Variants in TMIE observed in about 807,000 individuals in gnomAD.
The protein encoded by TMIE is transmembrane inner ear.
TMIE carries 14 observed loss-of-function variants against 16.8 expected under a neutral mutation model. The observed-to-expected ratio is 0.83, with a 90% CI of 0.55 to 1.30. The LOEUF (loss-of-function observed/expected upper bound fraction) is 1.30. Among genes scored for constraint, TMIE ranks in the 50% most tolerant of loss-of-function variants. TMIE has a pLI of 0.00. For synonymous variants in TMIE, 75 were observed against 87.2 expected (o/e 0.86, Z 0.78); for missense variants, 204 against 205.9 (o/e 0.99, Z 0.06).
chr3:46,708,616 G>A (rs148747236), intron 2 of TMIE, among the ~76,000 whole-genome samples: 103 of 152,362 alleles, frequency 6.8e-4, no homozygotes, highest in South Asian at 4.1e-3. Context: ...ATGGGCTCCC[G>A]CCCTAGCCAG....
upstream of TMIE, among the ~76,000 whole-genome samples, chr3:46,697,431 G>A (rs1213465927): frequency 1.3e-5 from 2 of 152,244 alleles, no homozygotes; most frequent in Non-Finnish European, 2.9e-5. Flanking sequence ...AGGGTTCAGA[G>A]GGCTTCTGAA....
chr3:46,697,147 G>C (rs553002301), upstream of TMIE, among the ~76,000 whole-genome samples: 5 of 152,250 alleles, frequency 3.3e-5, no homozygotes, highest in African/African-American at 1.2e-4. Flanking sequence ...TGTGGTGTTA[G>C]GTATTGATTT....
upstream of TMIE, among the ~76,000 whole-genome samples, chr3:46,698,460 A>G (rs1376591137): frequency 6.6e-6 from 1 of 152,058 alleles, no homozygotes; most frequent in African/African-American, 2.4e-5. Context: ...ACTGAATTAA[A>G]AAAAAAAATA....
chr3:46,709,113 G>T lies in TMIE; in HGVS notation c.212-13G>T, dbSNP rs1192809197. The T allele has an allele frequency of 1.2e-6, 2 of 1,613,988 alleles. No individual in the cohort carries two copies. The highest frequency in any genetic ancestry group is 2.2e-5 in the South Asian group (2 of 91,078). On this transcript the variant is annotated splice_polypyrimidine_tract_variant and intron_variant, in intron 2 of 3. Coordinates refer to ENST00000643606, the MANE Select transcript of TMIE (RefSeq NM_147196.3). The stretch of plus-strand genomic sequence containing the variant: ...CCCCAGCCCCAGCCAAGCCTGCTCT[G>T]TCCTCCCTACAGTCATCACGCTGTG...
Position 46,702,670 on chromosome 3 carries a change from G to A in TMIE, c.93+1090G>A, listed in dbSNP as rs983650715. On this transcript the variant is annotated intron_variant, in intron 1 of 3. Transcript: ENST00000643606. ...GGGGGCTTGGGGACAGTGTGGGATA[G>A]AGAGGACAGAGCCATGGGGAAGTTG... Among the ~76,000 whole-genome samples, 5 of 152,224 alleles carry A rather than the reference G, an allele frequency of 3.3e-5. No individual in the cohort carries two copies. The East Asian group carries it at 9.7e-4, about 30-fold the overall frequency.
At chr3:46,708,600 C>A (rs1462746188) in intron 2 of TMIE, among the ~76,000 whole-genome samples, 1 of 152,240 alleles carries the variant, frequency 6.6e-6, no homozygotes. Flanking sequence ...GGGTCTGTGC[C>A]CTCTCATGGG....
chr3:46,708,858 C>A (rs1700584126), intron 2 of TMIE, among the ~76,000 whole-genome samples: 1 of 152,220 alleles, frequency 6.6e-6, no homozygotes, highest in African/African-American at 2.4e-5. Context: ...CAGAAAGACC[C>A]TCAGGACCAG....
chr3:46,698,418 T>C (rs1700429114), upstream of TMIE, among the ~76,000 whole-genome samples: 1 of 152,000 alleles, frequency 6.6e-6, no homozygotes, highest in African/African-American at 2.4e-5. Flanking sequence ...GACTAGCGTT[T>C]AATGAAGGCT....
chr3:46,698,969 C>T (rs1230703971), upstream of TMIE, among the ~76,000 whole-genome samples: 2 of 151,756 alleles, frequency 1.3e-5, no homozygotes, highest in Admixed American at 1.3e-4. Flanking sequence ...GCATGAGCCA[C>T]CACACTCAGC....
chr3:46,699,060 A>ATTT (rs397951323), upstream of TMIE, among the ~76,000 whole-genome samples: 8,098 of 84,840 alleles, frequency 0.095, 1,433 homozygotes, highest in Non-Finnish European at 0.13. Context: ...GGTGTTTCTT[A>ATTT]TTTTTTTTTT....
intron 2 of TMIE, among the ~76,000 whole-genome samples, chr3:46,706,539 A>T (rs938970020): frequency 2.6e-5 from 4 of 152,194 alleles, no homozygotes; most frequent in African/African-American, 9.7e-5. Flanking sequence ...GACAGAGGCC[A>T]AGTGGGGAGG....
At chr3:46,706,052 C>T in intron 2 of TMIE, 145 bp downstream of exon 2, 1 of 849,600 alleles carries the variant, frequency 1.2e-6, no homozygotes, top group Non-Finnish European at 2.0e-6. Context: ...CTGGCACCTC[C>T]TGATCCACAC....
At position 46,709,838 on chromosome 3, in the gene TMIE, C is replaced by T. The variant is rs1700599082; in HGVS notation, c.*150C>T. The T allele has an allele frequency of 6.7e-7, 1 of 1,488,596 alleles. No homozygotes were observed. The allele number at this position is 1,488,596 out of a possible 1,614,324, so 92.2% of individuals were successfully genotyped here. On this transcript the variant is annotated 3_prime_UTR_variant, in exon 4 of 4. Coordinates refer to ENST00000643606, the MANE Select transcript of TMIE (RefSeq NM_147196.3). ...CCATGGCCACATCCTCATGGCCCAT[C>T]AGGGGCAGGAACCAGACAATCTCGT...
At chr3:46,700,064 T>C (rs551140811), upstream of TMIE, among the ~76,000 whole-genome samples, 2 of 152,346 alleles carry the variant, frequency 1.3e-5, no homozygotes, top group East Asian at 3.9e-4. Context: ...ACCAGCAGCA[T>C]GAGGAAGTGG....
At chr3:46,706,222 G>T (rs550361105) in intron 2 of TMIE, among the ~76,000 whole-genome samples, 1 of 152,320 alleles carries the variant, frequency 6.6e-6, no homozygotes, top group South Asian at 2.1e-4. Context: ...GCCTCCTGAT[G>T]CTTTTCCTGC....
At chr3:46,694,127 G>A (rs1236677496), upstream of TMIE, among the ~76,000 whole-genome samples, 3 of 152,188 alleles carry the variant, frequency 2.0e-5, no homozygotes, top group African/African-American at 7.2e-5. Flanking sequence ...CACGCGGAGC[G>A]CTGTGTGGGT....
rs754036414 is a variant in TMIE at position 46,701,955 on chromosome 3, C to T, written c.93+375C>T. Among the ~76,000 whole-genome samples, 2 of 152,132 alleles carry T rather than the reference C, an allele frequency of 1.3e-5. No homozygotes were observed. The highest frequency in any genetic ancestry group is 4.8e-5 in the African/African-American group (2 of 41,430). ...CTCACTGGCAGGGAGGTGCACAGCC[C>T]TGGGTTTCCTGGACCTCTAGTCTGA... On this transcript the variant is annotated intron_variant, in intron 1 of 3. Transcript: ENST00000643606. The surrounding 1 kb of genome is among the most constrained non-coding windows in gnomAD (Gnocchi z 4.3).
chr3:46,697,996 G>A (rs562111500), upstream of TMIE, among the ~76,000 whole-genome samples: 24 of 152,216 alleles, frequency 1.6e-4, no homozygotes, highest in East Asian at 3.1e-3. Flanking sequence ...GGAAGCAATG[G>A]AAATGTCCAA....
intron 2 of TMIE, among the ~76,000 whole-genome samples, chr3:46,707,243 C>T (rs1225458140): frequency 3.9e-5 from 6 of 152,232 alleles, no homozygotes; most frequent in Non-Finnish European, 7.3e-5. Context: ...TGCAGGTCTA[C>T]GGAGCAGCAG....
Sources: allele counts gnomAD v4.1 joint callset (sites outside exome capture counted in the v4.1 genomes callset), GRCh38; gene constraint gnomAD v4.1.1; non-coding constraint Gnocchi (gnomAD v3.1); transcripts MANE v1.5; gene names NCBI Gene and HGNC (gene_info 2026-07-23, HGNC 2026-07-21).